NCKAP1: variants seen among roughly 807,000 people sequenced by gnomAD.
NCKAP1 encodes NCK associated protein 1.
In NCKAP1, 21 loss-of-function variants were observed where a neutral mutation model predicts 151.2. The observed-to-expected ratio is 0.14, with a 90% CI of 0.10 to 0.20. The LOEUF (loss-of-function observed/expected upper bound fraction) is 0.20. Ranked by LOEUF, NCKAP1 falls within the 10% of genes least tolerant of loss-of-function variation. NCKAP1 has a pLI of 1.00. For missense variants in NCKAP1, 933 were observed against 1,352.1 expected (o/e 0.69, Z 4.86); for synonymous variants, 484 against 451.8 (o/e 1.07, Z -0.90).
chr2:182,996,532 A>T (rs1016127640), intron 6 of NCKAP1, among the ~76,000 whole-genome samples: 1 of 151,918 alleles, frequency 6.6e-6, no homozygotes, highest in Non-Finnish European at 1.5e-5. Context: ...ATCTCAGCTC[A>T]CTGCAAGCTC....
At chr2:182,928,961 A>C in intron 27 of NCKAP1, 62 bp from the exon 28 acceptor site, 1 of 1,067,280 alleles carries the variant, frequency 9.4e-7, no homozygotes, top group Non-Finnish European at 1.4e-6. Context: ...AAGATTTGAT[A>C]ATCTAAACTA....
intron 27 of NCKAP1, among the ~76,000 whole-genome samples, chr2:182,929,412 CCTCT>C (rs538452099): frequency 9.2e-5 from 14 of 151,814 alleles, no homozygotes; most frequent in Non-Finnish European, 1.3e-4. Context: ...GGGTTTTCAA[CCTCT>C]CTATTTTAGA....
chr2:183,036,766 T>C (rs1206974530), intron 1 of NCKAP1, among the ~76,000 whole-genome samples: 1 of 150,706 alleles, frequency 6.6e-6, no homozygotes, highest in African/African-American at 2.5e-5. Flanking sequence ...CTACATCAAA[T>C]TGTAAAAAAT....
intron 8 of NCKAP1, among the ~76,000 whole-genome samples, chr2:182,990,163 T>C (rs980647895): frequency 7.9e-5 from 12 of 152,026 alleles, no homozygotes; most frequent in Admixed American, 2.0e-4. Context: ...TTTCAAATGA[T>C]TATCCTGTGT....
chr2:182,978,111 C>T (rs1469898362), intron 14 of NCKAP1, among the ~76,000 whole-genome samples: 4 of 152,036 alleles, frequency 2.6e-5, no homozygotes, highest in Non-Finnish European at 2.9e-5. Context: ...TCTATATAAA[C>T]CAAATATCAC....
At chr2:183,024,325 C>G (rs1210933303) in intron 1 of NCKAP1, among the ~76,000 whole-genome samples, 1 of 152,122 alleles carries the variant, frequency 6.6e-6, no homozygotes, top group African/African-American at 2.4e-5. Context: ...GTTTAAATGT[C>G]TTTTCCAAAA....
At position 183,008,981 on chromosome 2, in the gene NCKAP1, T is replaced by G. The variant is rs966106011; in HGVS notation, c.220-5656A>C. Among the ~76,000 whole-genome samples, 10 of 152,326 alleles carry G rather than the reference T, an allele frequency of 6.6e-5. No individual in the cohort carries two copies. The Middle Eastern group carries it at 0.017, about 259-fold the overall frequency. On this transcript the variant is annotated intron_variant, in intron 2 of 30. Transcript: ENST00000361354. ...CCTTAGACTCCTACTTAAAATCTTT[T>G]GTAGTGTATTTCTTTTTTCATATAC... is the stretch of plus-strand genomic sequence containing the variant.
chr2:182,982,973 A>G (rs1435364496), intron 11 of NCKAP1, 46 bp from the exon 12 acceptor site: 1 of 1,365,312 alleles, frequency 7.3e-7, no homozygotes, highest in South Asian at 1.3e-5. Context: ...AAGATTAAAA[A>G]CAAAACTGGT....
Position 183,013,427 on chromosome 2 carries a change from TAA to T in NCKAP1, c.220-10104_220-10103del, listed in dbSNP as rs1027090363. Among the ~76,000 whole-genome samples the T allele has an allele frequency of 4.4e-4, 67 of 152,208 alleles. 1 individual carries two copies. Among genetic ancestry groups the T allele is most frequent in the African/African-American group, 1.4e-3 (60 of 41,530 alleles). On this transcript the variant is annotated intron_variant, in intron 2 of 30. Coordinates refer to ENST00000361354, the MANE Select transcript of NCKAP1 (RefSeq NM_013436.5). ...TGACATGAGTTCAGGCCAAAAACCT[TAA>T]AGTCTTATTTCTCACTGTCCATACA... is the stretch of plus-strand genomic sequence containing the variant.
At chr2:182,942,682 G>A (rs1282355146) in intron 23 of NCKAP1, among the ~76,000 whole-genome samples, 1 of 151,826 alleles carries the variant, frequency 6.6e-6, no homozygotes, top group Non-Finnish European at 1.5e-5. Context: ...TAAAATGGAA[G>A]TATAAACTAT....
In NCKAP1 at chr2:182,912,894, C is replaced by CGGAAGGAAGGAAGGAAGGA. The variant is rs1696417947; in HGVS notation, c.*12807_*12808insTCCTTCCTTCCTTCCTTCC. ...GAAGGAAGGAAGGAAGGAAAGAATT[C>CGGAAGGAAGGAAGGAAGGA]AGCCAGATGAACTTTAGTTAAGTGC... On this transcript the variant is annotated 3_prime_UTR_variant, in exon 31 of 31. Transcript: ENST00000361354. 1 of 35,794 alleles carries CGGAAGGAAGGAAGGAAGGA rather than the reference C, an allele frequency of 2.8e-5. No homozygotes were observed. The highest frequency in any genetic ancestry group is 8.6e-5 in the Non-Finnish European group (1 of 11,584). The allele number at this position is 35,794 out of a possible 1,614,324, so 2.2% of individuals were successfully genotyped here.
intron 2 of NCKAP1, among the ~76,000 whole-genome samples, chr2:183,012,551 T>G (rs1367242136): frequency 6.6e-6 from 1 of 151,944 alleles, no homozygotes; most frequent in Non-Finnish European, 1.5e-5. Context: ...CTCCACAAAT[T>G]CTTTCAACAC....
intron 15 of NCKAP1, among the ~76,000 whole-genome samples, chr2:182,969,035 AAGG>A (rs1697632197): frequency 6.6e-6 from 1 of 152,236 alleles, no homozygotes; most frequent in African/African-American, 2.4e-5. Context: ...AACTAAGCCT[AAGG>A]AGTTTTACTT....
At position 182,967,212 on chromosome 2, in the gene NCKAP1, A is replaced by T; in HGVS notation, c.1628+4T>A. On this transcript the variant is annotated splice_donor_region_variant and intron_variant, in intron 16 of 30. Transcript: ENST00000361354. ...ATCCAGATTTAGAGAAAATTACAAC[A>T]TACCAAAATATGGAGAGATCTGATG... is the stretch of plus-strand genomic sequence containing the variant. 6.3e-7 allele frequency: 1 copy of T among 1,593,558 alleles called. No homozygotes were observed. Among genetic ancestry groups the T allele is most frequent in the Non-Finnish European group, 8.5e-7 (1 of 1,174,376 alleles).
rs1368244540 is a variant in NCKAP1, at chr2:182,916,693, C to G, written c.*9009G>C. ...GCATGTGGAAAAGCACAGAAGCTTC[C>G]AAGAGCAATTGTCGCAATTGTTCTG... On this transcript the variant is annotated 3_prime_UTR_variant, in exon 31 of 31. Coordinates refer to ENST00000361354, the MANE Select transcript of NCKAP1 (RefSeq NM_013436.5). 1 of 152,098 alleles carries G rather than the reference C, an allele frequency of 6.6e-6. No homozygotes were observed. Among genetic ancestry groups the G allele is most frequent in the African/African-American group, 2.4e-5 (1 of 41,382 alleles). The allele number at this position is 152,098 out of a possible 1,614,324, so 9.4% of individuals were successfully genotyped here.
Position 183,023,921 on chromosome 2 carries a change from A to G in NCKAP1, c.109-5T>C, listed in dbSNP as rs1465709245. On this transcript the variant is annotated splice_polypyrimidine_tract_variant and splice_region_variant and intron_variant, in intron 1 of 30. Coordinates refer to ENST00000361354, the MANE Select transcript of NCKAP1 (RefSeq NM_013436.5). Reference sequence around the variant, plus strand: ...TGCCTTGGGGTCTCCACATGCCTATAAAACAACAGTAATAAAAAAAAGTGA... The same window carrying G: ...TGCCTTGGGGTCTCCACATGCCTATGAAACAACAGTAATAAAAAAAAGTGA... 1.9e-6 allele frequency: 3 copies of G among 1,571,138 alleles called. No homozygotes were observed. The highest frequency in any genetic ancestry group is 2.6e-6 in the Non-Finnish European group (3 of 1,154,624).
In NCKAP1 at chr2:182,935,383, C is replaced by T; in HGVS notation, c.2696-8G>A. The T allele has an allele frequency of 6.6e-7, 1 of 1,512,634 alleles. No individual in the cohort carries two copies. Among genetic ancestry groups the T allele is most frequent in the Non-Finnish European group, 8.9e-7 (1 of 1,125,962 alleles). 93.7% of individuals were successfully genotyped at this position (1,512,634 alleles called of 1,614,324 possible). A position where few individuals can be genotyped will look rare whatever the true frequency, so the allele number is the denominator to read the frequency against. ...TCAAGACACTGTCAACAGCTAAATT[C>T]AAAGAAACAGAAGGAGAAGAGAATA... is the stretch of plus-strand genomic sequence containing the variant. On this transcript the variant is annotated splice_region_variant and splice_polypyrimidine_tract_variant and intron_variant, in intron 24 of 30. Coordinates refer to ENST00000361354, the MANE Select transcript of NCKAP1 (RefSeq NM_013436.5).
chr2:182,957,106 C>T (rs1027586354), intron 19 of NCKAP1: 1 of 181,556 alleles, frequency 5.5e-6, no homozygotes, highest in Admixed American at 6.1e-5. Flanking sequence ...TCTAATATAT[C>T]AAAAACATGC....
At chr2:182,948,948 C>T (rs930159779) in intron 23 of NCKAP1, among the ~76,000 whole-genome samples, 1 of 152,108 alleles carries the variant, frequency 6.6e-6, no homozygotes, top group Non-Finnish European at 1.5e-5. Context: ...ACAAAAAAAA[C>T]AGAGTTTGTA....
Sources: gnomAD v4.1 joint callset for allele counts (sites outside exome capture counted in the v4.1 genomes callset) on GRCh38, gnomAD v4.1.1 for gene constraint, MANE v1.5 for transcripts, NCBI Gene and HGNC (gene_info 2026-07-23, HGNC 2026-07-21) for gene names.